Variants in STAU2 observed in about 807,000 individuals in gnomAD.
STAU2 encodes staufen double-stranded RNA binding protein 2.
Under a neutral mutation model 65.9 loss-of-function variants are expected in STAU2, and 20 were observed. That is an observed-to-expected ratio of 0.30 (90% CI 0.21 to 0.44). The LOEUF (loss-of-function observed/expected upper bound fraction) is 0.44, where lower values mean the gene tolerates loss of function less well. STAU2 is among the 20% of genes least tolerant of loss of function. The probability of loss-of-function intolerance (pLI) is 1.00; values close to 1 mark genes in which losing one functional copy is unlikely to be tolerated. For synonymous variants in STAU2, 232 were observed against 233.9 expected (o/e 0.99, Z 0.07); for missense variants, 558 against 683.9 (o/e 0.82, Z 2.05).
chr8:73,439,645 C>T (rs1206352118), intron 13 of STAU2: 3 of 152,674 alleles, frequency 2.0e-5, no homozygotes, highest in Admixed American at 1.3e-4. Context: ...GGTCATATGA[C>T]CTTGAGCAAG....
intron 6 of STAU2, among the ~76,000 whole-genome samples, chr8:73,617,842 C>A (rs1020846922): frequency 1.3e-5 from 2 of 152,018 alleles, no homozygotes; most frequent in Non-Finnish European, 2.9e-5. Flanking sequence ...GTGCTTTTTG[C>A]AGAAGATAAT....
chr8:73,422,766 A>C, intron 13 of STAU2, 64 bp from the exon 14 acceptor site: 1 of 1,146,634 alleles, frequency 8.7e-7, no homozygotes, highest in Non-Finnish European at 1.1e-6. Flanking sequence ...AAGTAACTGA[A>C]AGAAAGCTGA....
chr8:73,725,697 C>T (rs1805571994), intron 3 of STAU2, among the ~76,000 whole-genome samples: 1 of 152,082 alleles, frequency 6.6e-6, no homozygotes. Context: ...TTTGGGAGGC[C>T]GAGGCAGGTG....
chr8:73,527,875 C>T, intron 13 of STAU2: 1 of 244,146 alleles, frequency 4.1e-6, no homozygotes, highest in Non-Finnish European at 6.5e-6. Context: ...GGTCCTTTTG[C>T]AAAGGGTCTA....
intron 13 of STAU2, among the ~76,000 whole-genome samples, chr8:73,529,516 T>C (rs1805670916): frequency 6.6e-6 from 1 of 152,204 alleles, no homozygotes; most frequent in Admixed American, 6.6e-5. Flanking sequence ...TCAGCTGACT[T>C]AATGTAGCTC....
chr8:73,740,182 C>A (rs923255826), intron 1 of STAU2, among the ~76,000 whole-genome samples: 1 of 152,216 alleles, frequency 6.6e-6, no homozygotes, highest in Admixed American at 6.5e-5. Flanking sequence ...AGCTTGACTA[C>A]CACCTCTTTT....
Position 73,608,312 on chromosome 8 carries a change from A to G in STAU2, c.892-4449T>C, listed in dbSNP as rs1333384996. ...GGAAAAAAAGGAACCAACTTAAAAA[A>G]CATTAGGTGACAAGGCCAAGCACAG... On this transcript the variant is annotated intron_variant, in intron 9 of 14. Transcript: ENST00000524300. 2.0e-5 allele frequency among the ~76,000 whole-genome samples: 3 copies of G among 152,142 alleles called. No homozygotes were observed. The East Asian group carries it at 5.8e-4, about 29-fold the overall frequency.
intron 6 of STAU2, chr8:73,651,721 T>A (rs1480461638): frequency 6.7e-6 from 3 of 448,834 alleles, no homozygotes; most frequent in Non-Finnish European, 1.2e-5. Context: ...GTGGCATGCA[T>A]ACGCTGGGAC....
At chr8:73,582,860 A>G (rs368015653) in intron 11 of STAU2, 30 bp from the exon 12 acceptor site, 3 of 1,595,308 alleles carry the variant, frequency 1.9e-6, no homozygotes, top group Non-Finnish European at 2.6e-6. Context: ...GTTCAAATCC[A>G]GAGAAACAAG....
intron 13 of STAU2, among the ~76,000 whole-genome samples, chr8:73,500,155 G>A (rs1437748193): frequency 1.3e-5 from 2 of 151,876 alleles, no homozygotes; most frequent in Non-Finnish European, 2.9e-5. Context: ...TCTCTCAGAA[G>A]CAATGGAGCA....
At chr8:73,593,914 G>T (rs78248935) in intron 11 of STAU2, among the ~76,000 whole-genome samples, 2 of 151,200 alleles carry the variant, frequency 1.3e-5, no homozygotes, top group African/African-American at 4.9e-5. Flanking sequence ...CACGTTGATG[G>T]TTCTTTTTCT....
At chr8:73,654,161 A>C (rs1586200947) in intron 6 of STAU2, among the ~76,000 whole-genome samples, 1 of 152,316 alleles carries the variant, frequency 6.6e-6, no homozygotes, top group East Asian at 1.9e-4. Context: ...AGCTAATTTC[A>C]AAGATAAAAC....
At chr8:73,569,270 C>T (rs192873789) in intron 12 of STAU2, among the ~76,000 whole-genome samples, 552 of 152,178 alleles carry the variant, frequency 3.6e-3, no homozygotes, top group Middle Eastern at 6.8e-3. Flanking sequence ...GAGGGCCGTC[C>T]GCCATTGCTG....
intron 6 of STAU2, among the ~76,000 whole-genome samples, chr8:73,640,787 T>C (rs1346156207): frequency 6.6e-6 from 1 of 152,216 alleles, no homozygotes; most frequent in Admixed American, 6.5e-5. Flanking sequence ...CTAGAAATAC[T>C]TTCCAAACAT....
In STAU2 at chr8:73,622,497, C is replaced by T. The variant is rs557455943; in HGVS notation, c.411-5046G>A. ...AGGCAGGAGATGTCCCCAAGGTCAC[C>T]TTAAGAGGTAACAAATGTCCCCAAA... is the stretch of plus-strand genomic sequence containing the variant. On this transcript the variant is annotated intron_variant, in intron 6 of 14. Coordinates refer to ENST00000524300, the MANE Select transcript of STAU2 (RefSeq NM_001164380.2). Among the ~76,000 whole-genome samples, 9 of 152,210 alleles carry T rather than the reference C, an allele frequency of 5.9e-5. No individual in the cohort carries two copies. The South Asian group carries it at 1.9e-3, about 32-fold the overall frequency.
chr8:73,695,338 T>C (rs1057318461), intron 4 of STAU2, among the ~76,000 whole-genome samples: 1 of 150,610 alleles, frequency 6.6e-6, no homozygotes, highest in African/African-American at 2.4e-5. Context: ...AGCTCCAAGA[T>C]AACATTTGTA....
At chr8:73,559,781 C>G (rs1053058120) in intron 12 of STAU2, among the ~76,000 whole-genome samples, 2 of 152,156 alleles carry the variant, frequency 1.3e-5, no homozygotes, top group Non-Finnish European at 2.9e-5. Context: ...AGTGACTCCA[C>G]CTCTTCTTTT....
chr8:73,556,003 G>A (rs1807732173), intron 12 of STAU2, among the ~76,000 whole-genome samples: 1 of 152,080 alleles, frequency 6.6e-6, no homozygotes, highest in South Asian at 2.1e-4. Context: ...TCATCAGCCA[G>A]AGGACATTAC....
intron 4 of STAU2, among the ~76,000 whole-genome samples, chr8:73,704,025 C>T (rs577988693): frequency 6.6e-6 from 1 of 152,314 alleles, no homozygotes; most frequent in South Asian, 2.1e-4. Flanking sequence ...ACTATCCTCA[C>T]TCTCTTATCC....
Sources: gnomAD v4.1 joint callset for allele counts (sites outside exome capture counted in the v4.1 genomes callset) on GRCh38, gnomAD v4.1.1 for gene constraint, MANE v1.5 for transcripts, NCBI Gene and HGNC (gene_info 2026-07-23, HGNC 2026-07-21) for gene names.